The following NSRP1 variants were observed in gnomAD, a reference collection of about 807,000 sequenced individuals.
NSRP1 encodes the protein nuclear speckle splicing regulatory protein 1.
Under a neutral mutation model 54.7 loss-of-function variants are expected in NSRP1, and 24 were observed. The ratio of observed to expected loss-of-function variants is 0.44; its 90% CI spans 0.32 to 0.62. The LOEUF (loss-of-function observed/expected upper bound fraction) is 0.62. NSRP1 is among the 20% of genes least tolerant of loss of function. The pLI is 0.06. For synonymous variants in NSRP1, 210 were observed against 213.8 expected (o/e 0.98, Z 0.15); for missense variants, 596 against 651.2 (o/e 0.92, Z 0.92).
At chr17:30,171,275 T>C (rs1004501699) in intron 2 of NSRP1, among the ~76,000 whole-genome samples, 4 of 151,746 alleles carry the variant, frequency 2.6e-5, no homozygotes, top group Non-Finnish European at 5.9e-5. Context: ...CTTTATTATA[T>C]TGCTTATCAC....
intron 2 of NSRP1, among the ~76,000 whole-genome samples, chr17:30,171,336 GGTTCTGTTGCCCAGGCTGGA>G (rs556284976): frequency 1.4e-3 from 202 of 143,038 alleles, no homozygotes; most frequent in Middle Eastern, 0.011. Context: ...GACAGAGCCT[GGTTCTGTTGCCCAGGCTGGA>G]GTGCAGTGGC....
At chr17:30,167,620 T>A (rs372717678) in intron 2 of NSRP1, among the ~76,000 whole-genome samples, 5 of 151,882 alleles carry the variant, frequency 3.3e-5, no homozygotes, top group South Asian at 4.2e-4. Context: ...AAAAAAAAAA[T>A]AAGATCTTAC....
At chr17:30,140,956 A>AGCAT (rs2071799704) in intron 2 of NSRP1, among the ~76,000 whole-genome samples, 1 of 152,140 alleles carries the variant, frequency 6.6e-6, no homozygotes, top group Admixed American at 6.5e-5. Flanking sequence ...CTGGGATTAC[A>AGCAT]GCATGTGACA....
intron 5 of NSRP1, 90 bp from the exon 6 acceptor site, chr17:30,180,818 C>T (rs1905266903): frequency 1.2e-6 from 1 of 815,444 alleles, no homozygotes; most frequent in Admixed American, 2.1e-5. Context: ...GAGTAGTTTA[C>T]ACACTGTATG....
At chr17:30,132,245 CAAAAA>C (rs536072441) in intron 2 of NSRP1, among the ~76,000 whole-genome samples, 1 of 112,666 alleles carries the variant, frequency 8.9e-6, no homozygotes. Context: ...GAGACTGTCT[CAAAAA>C]AAAAAAAAAG....
At chr17:30,126,435 C>A (rs945073528) in intron 2 of NSRP1, among the ~76,000 whole-genome samples, 2 of 152,196 alleles carry the variant, frequency 1.3e-5, no homozygotes, top group Non-Finnish European at 1.5e-5. Context: ...ATTTTCCTCA[C>A]TGGAAAGAAT....
intron 2 of NSRP1, among the ~76,000 whole-genome samples, chr17:30,160,165 A>T (rs747076216): frequency 1.3e-5 from 2 of 152,130 alleles, no homozygotes; most frequent in African/African-American, 2.4e-5. Flanking sequence ...TGATTGTGGT[A>T]TATTGTCCTT....
intron 2 of NSRP1, among the ~76,000 whole-genome samples, chr17:30,133,659 C>G (rs140719409): frequency 6.6e-6 from 1 of 152,344 alleles, no homozygotes; most frequent in East Asian, 1.9e-4. Context: ...ATGGCATCTT[C>G]TTCCAATAGA....
chr17:30,163,679 C>CT (rs370423700), intron 2 of NSRP1, among the ~76,000 whole-genome samples: 36,124 of 90,820 alleles, frequency 0.4, 8,673 homozygotes, highest in East Asian at 0.56. Context: ...ACTTTGACCA[C>CT]TTTTTTTTTT....
chr17:30,133,453 G>T (rs966358988), intron 2 of NSRP1, among the ~76,000 whole-genome samples: 1 of 151,320 alleles, frequency 6.6e-6, no homozygotes, highest in African/African-American at 2.4e-5. Flanking sequence ...CTCCATGACG[G>T]GATTAAAATA....
intron 2 of NSRP1, among the ~76,000 whole-genome samples, chr17:30,119,525 T>C (rs1256954954): frequency 6.6e-6 from 1 of 151,634 alleles, no homozygotes; most frequent in East Asian, 2.0e-4. Context: ...TTTTTTGAGA[T>C]GGAGTCTCCC....
At chr17:30,147,608 C>T (rs1382349812) in intron 2 of NSRP1, among the ~76,000 whole-genome samples, 3 of 151,830 alleles carry the variant, frequency 2.0e-5, no homozygotes, top group African/African-American at 7.3e-5. Context: ...GGACTACAGG[C>T]GCCCGCCACC....
rs564701011 is a variant in NSRP1, at chr17:30,185,736, C to T, written c.*62C>T. On this transcript the variant is annotated 3_prime_UTR_variant, in exon 7 of 7. Coordinates refer to ENST00000247026, the MANE Select transcript of NSRP1 (RefSeq NM_032141.4). ...AAACTGTAATTCCTGGAACCTGCTG[C>T]GTAAAACCATAAAGGAGTGTGTTAC... 177 of 1,477,458 alleles carry T rather than the reference C, an allele frequency of 1.2e-4. 2 individuals are homozygous for T. The South Asian group carries it at 1.8e-3, about 15-fold the overall frequency. 91.5% of individuals were successfully genotyped at this position (1,477,458 alleles called of 1,614,324 possible). A position where few individuals can be genotyped will look rare whatever the true frequency, so the allele number is the denominator to read the frequency against.
intron 2 of NSRP1, among the ~76,000 whole-genome samples, chr17:30,121,576 T>G (rs1175640402): frequency 6.6e-6 from 1 of 151,086 alleles, no homozygotes; most frequent in African/African-American, 2.4e-5. Flanking sequence ...GTGTGTTTTT[T>G]TTTTTTTTTG....
At chr17:30,172,051 G>A (rs1904971063) in intron 2 of NSRP1, among the ~76,000 whole-genome samples, 1 of 133,180 alleles carries the variant, frequency 7.5e-6, no homozygotes, top group South Asian at 2.6e-4. Context: ...ATCTGTAAAG[G>A]TTGAATGACA....
At chr17:30,133,983 C>T (rs1464942102) in intron 2 of NSRP1, among the ~76,000 whole-genome samples, 1 of 152,220 alleles carries the variant, frequency 6.6e-6, no homozygotes, top group Non-Finnish European at 1.5e-5. Context: ...TTCAGCATGC[C>T]TTCCTCAATC....
intron 2 of NSRP1, among the ~76,000 whole-genome samples, chr17:30,141,893 A>G (rs2071808822): frequency 6.6e-6 from 1 of 152,220 alleles, no homozygotes; most frequent in Non-Finnish European, 1.5e-5. Flanking sequence ...AGTCCCAGCT[A>G]CTTGGAAAAC....
chr17:30,176,005 C>A (rs991881319), intron 3 of NSRP1, among the ~76,000 whole-genome samples: 49 of 151,170 alleles, frequency 3.2e-4, no homozygotes, highest in Middle Eastern at 3.2e-3. Context: ...TCCGAACCCC[C>A]CCCCCAAAAA....
chr17:30,180,168 A>G (rs964554349), intron 5 of NSRP1, among the ~76,000 whole-genome samples: 1 of 146,118 alleles, frequency 6.8e-6, no homozygotes, highest in African/African-American at 2.6e-5. Flanking sequence ...AATGCTCATC[A>G]GCTTTTTGGA....
Sources: allele counts gnomAD v4.1 joint callset (sites outside exome capture counted in the v4.1 genomes callset), GRCh38; gene constraint gnomAD v4.1.1; transcripts MANE v1.5; gene names NCBI Gene and HGNC (gene_info 2026-07-23, HGNC 2026-07-21).